ARFGAP3: variants seen among roughly 807,000 people sequenced by gnomAD.
ARFGAP3 encodes ADP-ribosylation factor GTPase-activating protein 3.
Under a neutral mutation model 75.0 loss-of-function variants are expected in ARFGAP3, and 72 were observed. The ratio of observed to expected loss-of-function variants is 0.96; its 90% CI spans 0.79 to 1.17. ARFGAP3 has a LOEUF of 1.17. Ranked by LOEUF, ARFGAP3 falls within the 50% of genes most tolerant of loss-of-function variation. The pLI, the probability that ARFGAP3 is intolerant of heterozygous loss-of-function variation, is 0.00. For synonymous variants in ARFGAP3, 221 were observed against 217.9 expected (o/e 1.01, Z -0.13); for missense variants, 620 against 626.6 (o/e 0.99, Z 0.11).
chr22:42,823,496 C>A (rs1925901382), intron 8 of ARFGAP3, among the ~76,000 whole-genome samples, 160 bp downstream of exon 8: 1 of 50,366 alleles, frequency 2.0e-5, no homozygotes, highest in South Asian at 5.8e-4. Context: ...TAACATTAAT[C>A]TCTTTGACAT....
Position 42,797,614 on chromosome 22 carries a change from A to G in ARFGAP3, c.1534-9T>C. 2.5e-6 allele frequency: 4 copies of G among 1,614,068 alleles called. No individual in the cohort carries two copies. The highest frequency in any genetic ancestry group is 3.4e-6 in the Non-Finnish European group (4 of 1,179,954). On this transcript the variant is annotated splice_polypyrimidine_tract_variant and intron_variant, in intron 15 of 15. Coordinates refer to ENST00000263245, the MANE Select transcript of ARFGAP3 (RefSeq NM_014570.5). ...TAAGAACCGTAGCGATCCTGAAGAGAGAACCAAAATGGAAGTTCACGACCA... is the reference window on the plus strand; with the variant it reads ...TAAGAACCGTAGCGATCCTGAAGAGGGAACCAAAATGGAAGTTCACGACCA...
intron 11 of ARFGAP3, 57 bp downstream of exon 11, chr22:42,817,085 C>T: frequency 8.4e-7 from 1 of 1,191,836 alleles, no homozygotes; most frequent in Non-Finnish European, 1.2e-6. Flanking sequence ...ACTAATAAAT[C>T]CATACTAGTC....
In ARFGAP3 at chr22:42,807,078, G is replaced by A. The variant is rs542949897; in HGVS notation, c.1406C>T (p.Pro469Leu). ...TCTTGTTCAGTGCCCCCTACCTGCT[G>A]GCTGCTTCCTCGGCTCCTCGAACAG... ...ADLFEEPRKQ[P>L]AGNYSLSSVL... is the part of the protein sequence containing the mutation. The change falls in exon 14 of 16, where the codon CCA becomes CTA. Residue 469 changes from proline to leucine, a missense_variant. Physicochemically the swap from Pro to Leu is moderately conservative, Grantham distance 98. Coordinates refer to ENST00000263245, the MANE Select transcript of ARFGAP3 (RefSeq NM_014570.5). 1.2e-6 allele frequency: 2 copies of A among 1,610,302 alleles called. No individual in the cohort carries two copies. Among genetic ancestry groups the A allele is most frequent in the South Asian group, 2.2e-5 (2 of 90,126 alleles).
At position 42,841,191 on chromosome 22, in the gene ARFGAP3, G is replaced by A. The variant is rs553309583; in HGVS notation, c.189-175C>T. 11 of 766,322 alleles carry A rather than the reference G, an allele frequency of 1.4e-5. No homozygotes were observed. The South Asian group carries it at 3.0e-4, about 21-fold the overall frequency. 47.5% of individuals were successfully genotyped at this position (766,322 alleles called of 1,614,324 possible). A position where few individuals can be genotyped will look rare whatever the true frequency, so the allele number is the denominator to read the frequency against. ...GACTCCAGAGTGGATGATGGTTGGC[G>A]TGAGCAACCCCTGGCTCCTCTCGTC... On this transcript the variant is annotated intron_variant, in intron 2 of 15. Transcript: ENST00000263245.
rs146882316 is a variant in ARFGAP3 at position 42,820,799 on chromosome 22, T to C, written c.812+1471A>G. 4.7e-3 allele frequency among the ~76,000 whole-genome samples: 714 copies of C among 152,306 alleles called. 1 individual carries two copies. Among genetic ancestry groups the C allele is most frequent in the African/African-American group, 0.015 (625 of 41,550 alleles). On this transcript the variant is annotated intron_variant, in intron 9 of 15. Coordinates refer to ENST00000263245, the MANE Select transcript of ARFGAP3 (RefSeq NM_014570.5). ...TTTCCAGAAGGCCATCTTTCTCTTC[T>C]GATTTCAACACAAATGAAAACCTCT...
intron 2 of ARFGAP3, among the ~76,000 whole-genome samples, chr22:42,843,057 A>G (rs1926855390): frequency 6.6e-6 from 1 of 152,072 alleles, no homozygotes; most frequent in South Asian, 2.1e-4. Context: ...CAAGGCCAGG[A>G]AAGGACAGCT....
intron 12 of ARFGAP3, 28 bp downstream of exon 12, chr22:42,810,785 C>T: frequency 6.3e-7 from 1 of 1,596,898 alleles, no homozygotes; most frequent in Non-Finnish European, 8.6e-7. Flanking sequence ...GGATTCACTA[C>T]TACAACCCCA....
intron 9 of ARFGAP3, among the ~76,000 whole-genome samples, chr22:42,820,558 T>C (rs543366738): frequency 2.6e-5 from 4 of 152,332 alleles, no homozygotes; most frequent in African/African-American, 9.6e-5. Flanking sequence ...ATTTAAGCTA[T>C]TAAACTAATC....
chr22:42,835,402 T>C lies in ARFGAP3; in HGVS notation c.353A>G (p.Lys118Arg). 1 of 1,614,166 alleles carries C rather than the reference T, an allele frequency of 6.2e-7. No individual in the cohort carries two copies. Among genetic ancestry groups the C allele is most frequent in the Non-Finnish European group, 8.5e-7 (1 of 1,180,010 alleles). The stretch of plus-strand genomic sequence containing the variant: ...CCGTGTTGCTTGAGAGGCGAGCGAT[T>C]TGATTTTCTCCCTATAGAGCTGAGC... ...RAAQLYREKI[K>R]SLASQATRKH... is the part of the protein sequence containing the mutation. The change falls in exon 4 of 16, where the codon AAA becomes AGA. Residue 118 changes from lysine to arginine, a missense_variant. Physicochemically the swap from Lys to Arg is conservative, Grantham distance 26. Transcript: ENST00000263245.
At chr22:42,826,861 G>C (rs1305145780) in intron 7 of ARFGAP3, 79 bp downstream of exon 7, 3 of 1,300,724 alleles carry the variant, frequency 2.3e-6, no homozygotes, top group Admixed American at 4.2e-5. Context: ...GAGATGCCCA[G>C]GCCAAATGCA....
chr22:42,809,095 C>T (rs1349606215), intron 12 of ARFGAP3: 10 of 275,920 alleles, frequency 3.6e-5, no homozygotes, highest in Admixed American at 6.5e-5. Flanking sequence ...CTGTTTAAAA[C>T]GGGGTCTGTT....
intron 14 of ARFGAP3, among the ~76,000 whole-genome samples, chr22:42,804,263 T>C (rs987749452): frequency 6.6e-6 from 1 of 151,624 alleles, no homozygotes; most frequent in Non-Finnish European, 1.5e-5. Context: ...CAGGCTGGAG[T>C]GTAATGGTGC....
rs755191978 is a variant in ARFGAP3 at position 42,807,057 on chromosome 22, G to T, written c.1411+16C>A. 40 of 1,599,102 alleles carry T rather than the reference G, an allele frequency of 2.5e-5. No homozygotes were observed. Among genetic ancestry groups the T allele is most frequent in the African/African-American group, 5.4e-5 (4 of 74,432 alleles). On this transcript the variant is annotated intron_variant, in intron 14 of 15. Transcript: ENST00000263245. ...GTAGACATGACAGAGACCAGCTCTT[G>T]TTCAGTGCCCCCTACCTGCTGGCTG...
At chr22:42,810,790 AC>A in intron 12 of ARFGAP3, 22 bp downstream of exon 12, 1 of 1,600,244 alleles carries the variant, frequency 6.2e-7, no homozygotes, top group South Asian at 1.1e-5. Flanking sequence ...CACTACTACA[AC>A]CCCACAGTTT....
intron 3 of ARFGAP3, 57 bp downstream of exon 3, chr22:42,840,887 T>A (rs935864376): frequency 4.1e-5 from 64 of 1,567,888 alleles, no homozygotes; most frequent in Non-Finnish European, 5.2e-5. Flanking sequence ...TCTTTACTAT[T>A]ATAGCATAAC....
chr22:42,812,695 T>G lies in ARFGAP3; in HGVS notation c.1065-1751A>C, dbSNP rs1204980964. On this transcript the variant is annotated intron_variant, in intron 11 of 15. Transcript: ENST00000263245. ...AACAAAAAAGGGACAGAGGATAAAC[T>G]GCTGTTGGAGCAGATGGTATGATAT... Among the ~76,000 whole-genome samples, 7 of 152,200 alleles carry G rather than the reference T, an allele frequency of 4.6e-5. No homozygotes were observed. In the South Asian group the frequency reaches 8.3e-4, roughly 18 times the overall value.
At chr22:42,834,769 G>C (rs1350011391) in intron 4 of ARFGAP3, among the ~76,000 whole-genome samples, 1 of 152,238 alleles carries the variant, frequency 6.6e-6, no homozygotes, top group Admixed American at 6.5e-5. Flanking sequence ...AGCTGAGGTA[G>C]AACAAGACAC....
chr22:42,815,490 A>G (rs949594590), intron 11 of ARFGAP3, among the ~76,000 whole-genome samples: 1 of 151,392 alleles, frequency 6.6e-6, no homozygotes, highest in East Asian at 1.9e-4. Flanking sequence ...TAAGGATAGT[A>G]TTCTTTATAC....
intron 5 of ARFGAP3, 109 bp downstream of exon 5, chr22:42,834,133 G>C: frequency 2.0e-6 from 2 of 988,746 alleles, no homozygotes; most frequent in East Asian, 2.5e-5. Context: ...TTATGTTTCA[G>C]CACTTCTTGT....
Sources: allele counts gnomAD v4.1 joint callset (sites outside exome capture counted in the v4.1 genomes callset), GRCh38; gene constraint gnomAD v4.1.1; transcripts MANE v1.5; gene names NCBI Gene and HGNC (gene_info 2026-07-23, HGNC 2026-07-21).